The following FAM78B variants were observed in gnomAD, a reference collection of about 807,000 sequenced individuals.
The protein encoded by FAM78B is protein FAM78B.
Under a neutral mutation model 20.0 loss-of-function variants are expected in FAM78B, and 10 were observed. The observed-to-expected ratio is 0.50, with a 90% CI of 0.31 to 0.85. FAM78B has a LOEUF of 0.85. Ranked by LOEUF, FAM78B falls within the 40% of genes least tolerant of loss-of-function variation. The probability of loss-of-function intolerance (pLI) is 0.05; values close to 1 mark genes in which losing one functional copy is unlikely to be tolerated. For synonymous variants in FAM78B, 135 were observed against 132.8 expected (o/e 1.02, Z -0.12); for missense variants, 283 against 345.0 (o/e 0.82, Z 1.42).
chr1:166,087,887 G>A (rs934472779), intron 1 of FAM78B, among the ~76,000 whole-genome samples: 3 of 152,190 alleles, frequency 2.0e-5, no homozygotes, highest in East Asian at 1.9e-4. Context: ...GGCATAAGCC[G>A]TAAGTAAATG....
intron 1 of FAM78B, among the ~76,000 whole-genome samples, chr1:166,122,872 G>A (rs1398345136): frequency 6.6e-6 from 1 of 152,086 alleles, no homozygotes; most frequent in African/African-American, 2.4e-5. Context: ...TCTGTTTTCA[G>A]GTTATCTTTA....
At chr1:166,134,940 T>C (rs1263652694) in intron 1 of FAM78B, among the ~76,000 whole-genome samples, 2 of 152,238 alleles carry the variant, frequency 1.3e-5, no homozygotes, top group African/African-American at 4.8e-5. Flanking sequence ...CCTAAAACTA[T>C]CAAGCTCTTT....
rs1194195493 is a variant in FAM78B, at chr1:166,166,297, C to G, written c.-49G>C. On this transcript the variant is annotated 5_prime_UTR_variant, in exon 1 of 2. Coordinates refer to ENST00000354422, the MANE Select transcript of FAM78B (RefSeq NM_001017961.5). Reference sequence around the variant, plus strand: ...CGCGGCGTGGGGCAGCGCGGGGGCCCGCGCGGGCAGCCGGGGGCGCCCGTC... The same window carrying G: ...CGCGGCGTGGGGCAGCGCGGGGGCCGGCGCGGGCAGCCGGGGGCGCCCGTC... 46 of 1,191,554 alleles carry G rather than the reference C, an allele frequency of 3.9e-5. No homozygotes were observed. Among genetic ancestry groups the G allele is most frequent in the Non-Finnish European group, 4.8e-5 (46 of 961,534 alleles). The allele number at this position is 1,191,554 out of a possible 1,614,324, so 73.8% of individuals were successfully genotyped here.
chr1:166,109,814 G>A (rs370412124), intron 1 of FAM78B, among the ~76,000 whole-genome samples: 9 of 32,638 alleles, frequency 2.8e-4, no homozygotes, highest in Admixed American at 4.5e-4. Flanking sequence ...ATGTATATAT[G>A]TATATATATA....
chr1:166,113,146 A>T (rs185692980), intron 1 of FAM78B, among the ~76,000 whole-genome samples: 55 of 152,358 alleles, frequency 3.6e-4, no homozygotes, highest in African/African-American at 1.3e-3. Flanking sequence ...CAAGGTGAGG[A>T]GGTGAGCAAA....
At chr1:166,070,967 A>G (rs1233539241) in intron 1 of FAM78B, among the ~76,000 whole-genome samples, 2 of 152,220 alleles carry the variant, frequency 1.3e-5, no homozygotes, top group African/African-American at 4.8e-5. Flanking sequence ...AGCCATGCCA[A>G]AACAAGTTAA....
intron 1 of FAM78B, chr1:166,154,637 G>T: frequency 2.1e-6 from 1 of 481,270 alleles, no homozygotes; most frequent in Non-Finnish European, 4.3e-6. Flanking sequence ...AACCTGGCTG[G>T]GGGGCAGGGG....
chr1:166,141,618 G>A (rs999885673), intron 1 of FAM78B, among the ~76,000 whole-genome samples: 2 of 152,244 alleles, frequency 1.3e-5, no homozygotes, highest in African/African-American at 4.8e-5. Context: ...AAGGAGGCAT[G>A]TTCATACCCA....
At chr1:166,070,882 G>A in intron 1 of FAM78B, 119 bp from the exon 2 acceptor site, 2 of 1,033,838 alleles carry the variant, frequency 1.9e-6, no homozygotes, top group Admixed American at 5.7e-5. Flanking sequence ...AGTTCACAGG[G>A]GGAATTCAGG....
chr1:166,116,751 C>CTTA (rs1654272067), intron 1 of FAM78B, among the ~76,000 whole-genome samples: 1 of 152,196 alleles, frequency 6.6e-6, no homozygotes, highest in Non-Finnish European at 1.5e-5. Context: ...GCTGAAAAAT[C>CTTA]CCCTTTCGAC....
At chr1:166,077,819 TATATAA>T (rs552786661) in intron 1 of FAM78B, among the ~76,000 whole-genome samples, 3,053 of 112,580 alleles carry the variant, frequency 0.027, 202 homozygotes, top group African/African-American at 0.068. Flanking sequence ...ATGTAGATTA[TATATAA>T]ATATATATAA....
chr1:166,090,892 C>T (rs1049926049), intron 1 of FAM78B, among the ~76,000 whole-genome samples: 2 of 152,174 alleles, frequency 1.3e-5, no homozygotes, highest in South Asian at 2.1e-4. Flanking sequence ...TTGCTCATGG[C>T]ACTTCACATG....
intron 1 of FAM78B, among the ~76,000 whole-genome samples, chr1:166,075,571 G>A (rs1349721073): frequency 2.0e-5 from 3 of 152,176 alleles, no homozygotes; most frequent in Non-Finnish European, 2.9e-5. Context: ...TGATGAGGAC[G>A]GGGTTGTGTT....
intron 1 of FAM78B, among the ~76,000 whole-genome samples, chr1:166,102,202 G>C (rs989358414): frequency 1.1e-4 from 16 of 152,284 alleles, no homozygotes; most frequent in Non-Finnish European, 1.8e-4. Flanking sequence ...AAGAGCTCCT[G>C]AAGGAAGCAC....
chr1:166,063,932 T>C (rs1468595437), intron 2 of FAM78B, among the ~76,000 whole-genome samples: 1 of 152,262 alleles, frequency 6.6e-6, no homozygotes, highest in Admixed American at 6.5e-5. Flanking sequence ...TGGGCTCCTA[T>C]GCTTGGCCAC....
At chr1:166,101,246 A>ACAGAG (rs947255430) in intron 1 of FAM78B, among the ~76,000 whole-genome samples, 1 of 152,210 alleles carries the variant, frequency 6.6e-6, no homozygotes, top group Non-Finnish European at 1.5e-5. Flanking sequence ...TGGGGAAAAA[A>ACAGAG]CAGAGCAGAA....
intron 1 of FAM78B, among the ~76,000 whole-genome samples, chr1:166,079,232 T>C (rs1008509301): frequency 1.3e-5 from 2 of 152,204 alleles, no homozygotes; most frequent in Non-Finnish European, 2.9e-5. Context: ...TGTGTCTGGC[T>C]GGCCTTACCC....
Position 166,094,003 on chromosome 1 carries a change from CTGTGTG to C in FAM78B, c.264-23246_264-23241del, listed in dbSNP as rs58213930. On this transcript the variant is annotated intron_variant, in intron 1 of 1. Transcript: ENST00000354422. The stretch of plus-strand genomic sequence containing the variant: ...AGGGGCACACAGGGCTTGCGAATGA[CTGTGTG>C]TGTGTGTGTGTGTGTGTGTGTGTGT... Among the ~76,000 whole-genome samples the C allele has an allele frequency of 2.8e-3, 355 of 125,580 alleles. 3 individuals are homozygous for C. The highest frequency in any genetic ancestry group is 9.5e-3 in the African/African-American group (309 of 32,584). 82.4% of individuals were successfully genotyped at this position (125,580 alleles called of 152,430 possible). A position where few individuals can be genotyped will look rare whatever the true frequency, so the allele number is the denominator to read the frequency against.
chr1:166,156,002 G>A (rs1451598), intron 1 of FAM78B, among the ~76,000 whole-genome samples: 143,443 of 152,218 alleles, frequency 0.94, 68,135 homozygotes, highest in East Asian at 1. Context: ...CTGCTCCTTC[G>A]GGATGCTGCA....
Sources: allele counts gnomAD v4.1 joint callset (sites outside exome capture counted in the v4.1 genomes callset), GRCh38; gene constraint gnomAD v4.1.1; transcripts MANE v1.5; gene names NCBI Gene and HGNC (gene_info 2026-07-23, HGNC 2026-07-21).